The following EPDR1 variants were observed in gnomAD, a reference collection of about 807,000 sequenced individuals.
The protein encoded by EPDR1 is ependymin related 1.
Under a neutral mutation model 23.7 loss-of-function variants are expected in EPDR1, and 27 were observed. That is an observed-to-expected ratio of 1.14 (90% CI 0.84 to 1.57). The LOEUF is 1.57. Ranked by LOEUF, EPDR1 falls within the 40% of genes most tolerant of loss-of-function variation. The pLI is 0.00. For synonymous variants in EPDR1, 137 were observed against 118.2 expected (o/e 1.16, Z -1.03); for missense variants, 349 against 290.4 (o/e 1.20, Z -1.47).
chr7:37,933,911 C>T (rs1190488681), intron 1 of EPDR1, among the ~76,000 whole-genome samples: 1 of 152,042 alleles, frequency 6.6e-6, no homozygotes, highest in Admixed American at 6.5e-5. Flanking sequence ...GATACATGTT[C>T]CTAGGTCTGA....
intron 1 of EPDR1, among the ~76,000 whole-genome samples, chr7:37,922,926 A>G (rs1030297801): frequency 3.3e-5 from 5 of 152,330 alleles, no homozygotes; most frequent in Admixed American, 3.3e-4. Context: ...AGTGAGTTCC[A>G]AAACACCTGT....
intron 1 of EPDR1, among the ~76,000 whole-genome samples, chr7:37,944,725 C>T (rs1786238519): frequency 6.6e-6 from 1 of 152,168 alleles, no homozygotes; most frequent in Non-Finnish European, 1.5e-5. Flanking sequence ...AGGTCCCTCC[C>T]ATGACACATG....
At chr7:37,928,739 GACTGCTAATA>G (rs767414979) in intron 1 of EPDR1, among the ~76,000 whole-genome samples, 5 of 151,852 alleles carry the variant, frequency 3.3e-5, no homozygotes, top group Non-Finnish European at 5.9e-5. Flanking sequence ...CTCTTCTCTG[GACTGCTAATA>G]GTGGACTCTC....
intron 1 of EPDR1, among the ~76,000 whole-genome samples, chr7:37,929,561 C>T (rs546411448): frequency 6.6e-6 from 1 of 152,020 alleles, no homozygotes; most frequent in East Asian, 1.9e-4. Context: ...TAGAAGGATA[C>T]CTAAATAATA....
In EPDR1 at chr7:37,950,190, C is replaced by G. The variant is rs1258962562; in HGVS notation, c.479-10C>G. On this transcript the variant is annotated splice_polypyrimidine_tract_variant and intron_variant, in intron 2 of 2. Coordinates refer to ENST00000199448, the MANE Select transcript of EPDR1 (RefSeq NM_017549.5). ...TCTTTATTTAAAAGTCAACTTTTTT[C>G]CTCTTATAGATGAAACCTGGATTGG... 6.4e-7 allele frequency: 1 copy of G among 1,568,416 alleles called. No homozygotes were observed. The highest frequency in any genetic ancestry group is 1.2e-5 in the South Asian group (1 of 85,552).
chr7:37,932,861 T>A (rs774564303), intron 1 of EPDR1, among the ~76,000 whole-genome samples: 12 of 152,244 alleles, frequency 7.9e-5, no homozygotes, highest in Non-Finnish European at 1.5e-4. Flanking sequence ...ACATTGCCAA[T>A]ATTCATCCAG....
At chr7:37,942,077 G>A (rs1786180489) in intron 1 of EPDR1, among the ~76,000 whole-genome samples, 1 of 152,088 alleles carries the variant, frequency 6.6e-6, no homozygotes, top group Non-Finnish European at 1.5e-5. Flanking sequence ...AATTTAAAAT[G>A]CATAGTTAGA....
intron 1 of EPDR1, among the ~76,000 whole-genome samples, chr7:37,940,024 C>A (rs1220935318): frequency 1.3e-5 from 2 of 152,002 alleles, no homozygotes; most frequent in East Asian, 3.9e-4. Context: ...GGAATAGAAA[C>A]AACTCAATGT....
intron 1 of EPDR1, among the ~76,000 whole-genome samples, chr7:37,939,112 G>A (rs1252548884): frequency 6.6e-6 from 1 of 151,822 alleles, no homozygotes; most frequent in East Asian, 1.9e-4. Flanking sequence ...AAGAGTAGCT[G>A]GAAATACAGG....
chr7:37,920,887 T>A lies in EPDR1; in HGVS notation c.-53T>A. The A allele has an allele frequency of 6.2e-7, 1 of 1,611,562 alleles. No homozygotes were observed. Among genetic ancestry groups the A allele is most frequent in the Non-Finnish European group, 8.5e-7 (1 of 1,179,208 alleles). On this transcript the variant is annotated 5_prime_UTR_variant, in exon 1 of 3. Transcript: ENST00000199448. ...GGGAGCCACTCTGATCCCGGACGCCTCAGCGCCCCCTTGGGCTTGGGCTTG... is the reference window on the plus strand; with the variant it reads ...GGGAGCCACTCTGATCCCGGACGCCACAGCGCCCCCTTGGGCTTGGGCTTG...
At chr7:37,928,991 G>C (rs982172483) in intron 1 of EPDR1, among the ~76,000 whole-genome samples, 1 of 152,180 alleles carries the variant, frequency 6.6e-6, no homozygotes, top group South Asian at 2.1e-4. Context: ...GCCACTTCTT[G>C]GCTCAGGATC....
In EPDR1 at chr7:37,938,523, T is replaced by C. The variant is rs139771293; in HGVS notation, c.270-10317T>C. On this transcript the variant is annotated intron_variant, in intron 1 of 2. Transcript: ENST00000199448. ...CTCAAACACTCTCATAATAAGAAGA[T>C]GTTATCATTCTTTGGCTTTTCAGAA... Among the ~76,000 whole-genome samples, 302 of 152,288 alleles carry C rather than the reference T, an allele frequency of 2.0e-3. 12 individuals carry two copies. The East Asian group carries it at 0.054, about 27-fold the overall frequency.
intron 1 of EPDR1, among the ~76,000 whole-genome samples, chr7:37,935,536 A>T (rs549703889): frequency 6.6e-6 from 1 of 152,304 alleles, no homozygotes; most frequent in South Asian, 2.1e-4. Context: ...TGGTCTCTCC[A>T]TATGAGAAGT....
intron 1 of EPDR1, among the ~76,000 whole-genome samples, chr7:37,935,090 T>C (rs568918628): frequency 2.6e-4 from 40 of 152,364 alleles, no homozygotes; most frequent in African/African-American, 9.1e-4. Context: ...GCATAGGTTA[T>C]ATGCAAATAC....
At chr7:37,930,069 C>A (rs1785902088) in intron 1 of EPDR1, among the ~76,000 whole-genome samples, 1 of 152,196 alleles carries the variant, frequency 6.6e-6, no homozygotes, top group African/African-American at 2.4e-5. Flanking sequence ...CTAAAGAAGG[C>A]AACTTCTCCT....
At chr7:37,937,985 A>ATTTTTTTTTTTTTTTTTTTTATTTT (rs1786089253) in intron 1 of EPDR1, among the ~76,000 whole-genome samples, 1 of 72,424 alleles carries the variant, frequency 1.4e-5, no homozygotes, top group Non-Finnish European at 2.7e-5. Flanking sequence ...TGCCCTTTAA[A>ATTTTTTTTTTTTTTTTTTTTATTTT]TTTTTTTTTT....
intron 1 of EPDR1, among the ~76,000 whole-genome samples, chr7:37,935,091 A>G (rs535120206): frequency 6.6e-5 from 10 of 152,368 alleles, no homozygotes; most frequent in Admixed American, 6.5e-4. Flanking sequence ...CATAGGTTAT[A>G]TGCAAATACT....
At chr7:37,929,251 A>G (rs150667941) in intron 1 of EPDR1, among the ~76,000 whole-genome samples, 35 of 152,346 alleles carry the variant, frequency 2.3e-4, no homozygotes, top group African/African-American at 7.9e-4. Flanking sequence ...GTTTAACGTT[A>G]AAGTTTGTTC....
intron 1 of EPDR1, among the ~76,000 whole-genome samples, chr7:37,935,172 G>A (rs1786023528): frequency 6.6e-6 from 1 of 152,082 alleles, no homozygotes; most frequent in South Asian, 2.1e-4. Flanking sequence ...CTTCCATGGA[G>A]GTAGAGGGAC....
Sources: allele counts gnomAD v4.1 joint callset (sites outside exome capture counted in the v4.1 genomes callset), GRCh38; gene constraint gnomAD v4.1.1; transcripts MANE v1.5; gene names NCBI Gene and HGNC (gene_info 2026-07-23, HGNC 2026-07-21).